Variants in EBF1 observed in about 807,000 individuals in gnomAD.
EBF1 encodes the protein transcription factor COE1.
EBF1 carries 10 observed loss-of-function variants against 68.4 expected under a neutral mutation model. The observed-to-expected ratio is 0.15, with a 90% CI of 0.09 to 0.25. EBF1 has a LOEUF of 0.25. EBF1 is among the 10% of genes least tolerant of loss of function. The probability of loss-of-function intolerance (pLI) is 1.00; values close to 1 mark genes in which losing one functional copy is unlikely to be tolerated. For synonymous variants in EBF1, 298 were observed against 299.8 expected (o/e 0.99, Z 0.06); for missense variants, 509 against 794.4 (o/e 0.64, Z 4.32).
At chr5:158,743,037 G>C (rs945584927) in intron 10 of EBF1, among the ~76,000 whole-genome samples, 2 of 152,230 alleles carry the variant, frequency 1.3e-5, no homozygotes, top group African/African-American at 4.8e-5. Flanking sequence ...GGAAATGATT[G>C]ATTCCATTTG....
intron 6 of EBF1, among the ~76,000 whole-genome samples, chr5:159,000,770 G>A (rs2127643223): frequency 6.6e-6 from 1 of 152,216 alleles, no homozygotes; most frequent in East Asian, 1.9e-4. Context: ...ACATAACTCA[G>A]TGAACCAATA....
chr5:158,943,299 T>G (rs1388052179), intron 6 of EBF1, among the ~76,000 whole-genome samples: 2 of 150,546 alleles, frequency 1.3e-5, no homozygotes, highest in Non-Finnish European at 3.0e-5. Flanking sequence ...TGATAACCAT[T>G]CATTCACTTC....
At chr5:158,933,931 C>T (rs879360810) in intron 6 of EBF1, among the ~76,000 whole-genome samples, 6 of 152,230 alleles carry the variant, frequency 3.9e-5, no homozygotes, top group Admixed American at 1.3e-4. Flanking sequence ...GGACAGTCTG[C>T]GTTGATGTCA....
At chr5:158,725,599 G>T (rs1223233624) in intron 11 of EBF1, among the ~76,000 whole-genome samples, 1 of 152,226 alleles carries the variant, frequency 6.6e-6, no homozygotes, top group African/African-American at 2.4e-5. Context: ...AAAGCAAAAG[G>T]CTGCTCATCT....
At chr5:158,748,803 G>A (rs1490415766) in intron 10 of EBF1, among the ~76,000 whole-genome samples, 3 of 152,156 alleles carry the variant, frequency 2.0e-5, no homozygotes, top group African/African-American at 7.2e-5. Context: ...TCTGCCCTCT[G>A]AATACCAGTT....
At chr5:159,073,574 A>G in intron 5 of EBF1, 110 bp from the exon 6 acceptor site, 1 of 1,175,372 alleles carries the variant, frequency 8.5e-7, no homozygotes, top group South Asian at 1.3e-5. Context: ...ATTACCACAA[A>G]GCCATACCTG....
At chr5:159,079,403 G>A (rs994509405) in intron 5 of EBF1, among the ~76,000 whole-genome samples, 2 of 151,914 alleles carry the variant, frequency 1.3e-5, no homozygotes, top group Non-Finnish European at 2.9e-5. Flanking sequence ...CTTCACTGCC[G>A]ACATCCTTCT....
intron 6 of EBF1, among the ~76,000 whole-genome samples, chr5:158,946,578 C>T (rs1814776770): frequency 6.6e-6 from 1 of 152,160 alleles, no homozygotes; most frequent in Admixed American, 6.5e-5. Flanking sequence ...AGAGGGGCAC[C>T]CACCAAATGC....
chr5:158,745,242 A>G (rs1187553616), intron 10 of EBF1, among the ~76,000 whole-genome samples: 1 of 152,212 alleles, frequency 6.6e-6, no homozygotes, highest in Non-Finnish European at 1.5e-5. Flanking sequence ...CAGAGTGAAC[A>G]TTACAATCAC....
chr5:159,026,140 C>G (rs572507303), intron 6 of EBF1, among the ~76,000 whole-genome samples: 22 of 152,262 alleles, frequency 1.4e-4, no homozygotes, highest in Admixed American at 1.4e-3. Flanking sequence ...CAAGCTGGAT[C>G]TTATGGCCCA....
chr5:159,066,978 T>C (rs1776928541), intron 6 of EBF1, among the ~76,000 whole-genome samples: 1 of 152,206 alleles, frequency 6.6e-6, no homozygotes, highest in African/African-American at 2.4e-5. Flanking sequence ...CGATTTCAGA[T>C]AACATCTCAT....
At chr5:158,839,933 G>C in intron 7 of EBF1, 96 bp downstream of exon 7, 3 of 1,223,756 alleles carry the variant, frequency 2.5e-6, no homozygotes, top group Non-Finnish European at 2.4e-6. Flanking sequence ...CTTCACCTCT[G>C]GGAAAAAAAG....
intron 5 of EBF1, among the ~76,000 whole-genome samples, chr5:159,081,164 A>C (rs887026981): frequency 7.9e-5 from 12 of 152,084 alleles, no homozygotes; most frequent in African/African-American, 2.9e-4. Context: ...CAGTTTTTAT[A>C]GAGATGGGGG....
At chr5:158,903,916 T>C (rs192468034) in intron 6 of EBF1, among the ~76,000 whole-genome samples, 3 of 152,216 alleles carry the variant, frequency 2.0e-5, no homozygotes, top group Non-Finnish European at 1.5e-5. Flanking sequence ...GGTACTATCA[T>C]GTCCACTTGA....
At chr5:158,893,192 C>A (rs1801524341) in intron 6 of EBF1, among the ~76,000 whole-genome samples, 1 of 152,192 alleles carries the variant, frequency 6.6e-6, no homozygotes. Flanking sequence ...ATGGCTTGCT[C>A]AACCATCAGT....
chr5:159,056,349 A>G (rs997966181), intron 6 of EBF1, among the ~76,000 whole-genome samples: 1 of 152,216 alleles, frequency 6.6e-6, no homozygotes, highest in African/African-American at 2.4e-5. Flanking sequence ...AATAATTCAG[A>G]GGTGAAATAA....
At chr5:159,031,002 A>G (rs1256429846) in intron 6 of EBF1, among the ~76,000 whole-genome samples, 3 of 152,098 alleles carry the variant, frequency 2.0e-5, no homozygotes, top group South Asian at 2.1e-4. Flanking sequence ...GTGAAACCCC[A>G]TATCTACTAA....
At chr5:158,928,497 T>A (rs1810163603) in intron 6 of EBF1, among the ~76,000 whole-genome samples, 1 of 152,186 alleles carries the variant, frequency 6.6e-6, no homozygotes, top group Non-Finnish European at 1.5e-5. Flanking sequence ...TGCAATTACA[T>A]CAAAATCACA....
At chr5:158,882,099 C>T (rs754931068) in intron 6 of EBF1, among the ~76,000 whole-genome samples, 1 of 152,174 alleles carries the variant, frequency 6.6e-6, no homozygotes, top group African/African-American at 2.4e-5. Flanking sequence ...ATGGTACACA[C>T]ATTACTATTT....
Sources: gnomAD v4.1 joint callset for allele counts (sites outside exome capture counted in the v4.1 genomes callset) on GRCh38, gnomAD v4.1.1 for gene constraint, MANE v1.5 for transcripts, NCBI Gene and HGNC (gene_info 2026-07-23, HGNC 2026-07-21) for gene names.